Variants in CFDP1 observed in about 807,000 individuals in gnomAD.
The protein encoded by CFDP1 is heterochromatin-stabilizing protein CFDP1.
CFDP1 carries 31 observed loss-of-function variants against 40.1 expected under a neutral mutation model. The ratio of observed to expected loss-of-function variants is 0.77; its 90% confidence interval spans 0.58 to 1.04. The LOEUF (loss-of-function observed/expected upper bound fraction) is 1.04, where lower values mean the gene tolerates loss of function less well. Among genes scored for constraint, CFDP1 ranks in the 50% least tolerant of loss-of-function variants. The pLI is 0.00. For missense variants in CFDP1, 423 were observed against 343.4 expected (o/e 1.23, Z -1.83); for synonymous variants, 167 against 120.0 (o/e 1.39, Z -2.56).
chr16:75,348,765 C>A (rs574713084), intron 5 of CFDP1, among the ~76,000 whole-genome samples: 1 of 152,248 alleles, frequency 6.6e-6, no homozygotes, highest in African/African-American at 2.4e-5. Flanking sequence ...TCATTAATTT[C>A]TTTGAACAGT....
intron 1 of CFDP1, among the ~76,000 whole-genome samples, chr16:75,424,927 G>A (rs1031193975): frequency 2.0e-5 from 3 of 152,144 alleles, no homozygotes; most frequent in African/African-American, 4.8e-5. Context: ...TGACATCACT[G>A]TCTGTGTGGA....
chr16:75,311,621 C>T lies in CFDP1; in HGVS notation c.651-6439G>A, dbSNP rs77541749. 5.3e-3 allele frequency among the ~76,000 whole-genome samples: 807 copies of T among 152,292 alleles called. 8 individuals are homozygous for T. The highest frequency in any genetic ancestry group is 0.019 in the African/African-American group (783 of 41,554). On this transcript the variant is annotated intron_variant, in intron 5 of 6. Transcript: ENST00000283882. ...CTGATCTTTAATCCAAACTTCAACA[C>T]GTGAAGGCTGGATTAAGTCTATGCC...
At chr16:75,420,649 A>G (rs915931848) in intron 1 of CFDP1, among the ~76,000 whole-genome samples, 46 of 152,242 alleles carry the variant, frequency 3.0e-4, no homozygotes, top group African/African-American at 1.1e-3. Flanking sequence ...AGTATGATCT[A>G]TATATAAGAT....
At chr16:75,401,389 C>T (rs1281253786) in intron 4 of CFDP1, among the ~76,000 whole-genome samples, 4 of 143,494 alleles carry the variant, frequency 2.8e-5, no homozygotes, top group African/African-American at 7.8e-5. Flanking sequence ...GATTGCACCA[C>T]TGCACTCCAC....
intron 5 of CFDP1, among the ~76,000 whole-genome samples, chr16:75,373,314 C>T (rs2078767407): frequency 6.6e-6 from 1 of 152,182 alleles, no homozygotes; most frequent in African/African-American, 2.4e-5. Context: ...CTTGCTAATG[C>T]TCATAGATTC....
At chr16:75,394,830 T>A in intron 5 of CFDP1, 2 of 155,632 alleles carry the variant, frequency 1.3e-5, no homozygotes, top group South Asian at 3.4e-4. Flanking sequence ...GCCCAGCTAA[T>A]TTTTTTTTTT....
At position 75,303,400 on chromosome 16, in the gene CFDP1, A is replaced by ATGAATGTATGTATGTATGTATGT. The variant is rs1555552218; in HGVS notation, c.809+1623_809+1624insACATACATACATACATACATTCA. Among the ~76,000 whole-genome samples, 55 of 146,244 alleles carry ATGAATGTATGTATGTATGTATGT rather than the reference A, an allele frequency of 3.8e-4. No individual in the cohort carries two copies. In the East Asian group the frequency reaches 5.6e-3, roughly 15 times the overall value. On this transcript the variant is annotated intron_variant, in intron 6 of 6. Transcript: ENST00000283882. ...AAATAAATAAATAAATAAATAAATA[A>ATGAATGTATGTATGTATGTATGT]ATGTATGTATGTATGTATGTATGTA...
At chr16:75,431,353 C>T (rs953672896) in intron 1 of CFDP1, among the ~76,000 whole-genome samples, 1 of 140,164 alleles carries the variant, frequency 7.1e-6, no homozygotes, top group Non-Finnish European at 1.5e-5. Context: ...ACTCAGGAGG[C>T]TGAGGCAAGA....
chr16:75,419,805 T>C (rs1457882546), intron 1 of CFDP1, among the ~76,000 whole-genome samples: 1 of 152,252 alleles, frequency 6.6e-6, no homozygotes, highest in Non-Finnish European at 1.5e-5. Context: ...AGGGGAGGCA[T>C]GAATAATCCA....
chr16:75,377,539 A>G (rs913806682), intron 5 of CFDP1, among the ~76,000 whole-genome samples: 3 of 152,230 alleles, frequency 2.0e-5, no homozygotes, highest in Non-Finnish European at 4.4e-5. Flanking sequence ...TGAAGTAACA[A>G]AAGAAATAAA....
chr16:75,333,122 CTT>C (rs1281826055), intron 5 of CFDP1, among the ~76,000 whole-genome samples: 15 of 87,154 alleles, frequency 1.7e-4, no homozygotes, highest in South Asian at 7.5e-4. Context: ...TACTCATGTT[CTT>C]TTTTTTTTTT....
At chr16:75,335,369 GA>G (rs544287969) in intron 5 of CFDP1, among the ~76,000 whole-genome samples, 3 of 152,014 alleles carry the variant, frequency 2.0e-5, no homozygotes, top group Non-Finnish European at 4.4e-5. Context: ...AGGACACACT[GA>G]AAAAAATCTC....
chr16:75,391,508 T>A (rs557734322), intron 5 of CFDP1: 1 of 152,324 alleles, frequency 6.6e-6, no homozygotes, highest in East Asian at 1.9e-4. Context: ...AAATGACACA[T>A]CTATACACAA....
intron 5 of CFDP1, among the ~76,000 whole-genome samples, chr16:75,384,237 A>T (rs2078874199): frequency 6.6e-6 from 1 of 151,992 alleles, no homozygotes; most frequent in South Asian, 2.1e-4. Flanking sequence ...CATGCCTGTA[A>T]TCCCAGCTAC....
At chr16:75,367,164 C>CA (rs35018865) in intron 5 of CFDP1, among the ~76,000 whole-genome samples, 2,142 of 86,762 alleles carry the variant, frequency 0.025, 30 homozygotes, top group East Asian at 0.054. Flanking sequence ...GACTCCATCT[C>CA]AAAAAAAAAA....
At chr16:75,367,920 C>T (rs1257408309) in intron 5 of CFDP1, among the ~76,000 whole-genome samples, 2 of 151,666 alleles carry the variant, frequency 1.3e-5, no homozygotes, top group Admixed American at 1.3e-4. Flanking sequence ...GCCCAGCCAA[C>T]ATGGTGAAAC....
In CFDP1 at chr16:75,433,461, G is replaced by C. The variant is rs74024782; in HGVS notation, c.-109C>G. ...CCCCGGCGGCGGCGACGGCAGCTAGGGCGGCCCCCGACAGCGCTTTGCACA... is the reference window on the plus strand; with the variant it reads ...CCCCGGCGGCGGCGACGGCAGCTAGCGCGGCCCCCGACAGCGCTTTGCACA... On this transcript the variant is annotated 5_prime_UTR_variant, in exon 1 of 7. Coordinates refer to ENST00000283882, the MANE Select transcript of CFDP1 (RefSeq NM_006324.3). 2.0e-5 allele frequency: 21 copies of C among 1,055,702 alleles called. No individual in the cohort carries two copies. The highest frequency in any genetic ancestry group is 5.2e-5 in the East Asian group (2 of 38,512). The allele number at this position is 1,055,702 out of a possible 1,614,324, so 65.4% of individuals were successfully genotyped here. A position where few individuals can be genotyped will look rare whatever the true frequency, so the allele number is the denominator to read the frequency against.
intron 1 of CFDP1, among the ~76,000 whole-genome samples, chr16:75,421,384 A>G (rs2079278287): frequency 6.6e-6 from 1 of 152,198 alleles, no homozygotes; most frequent in South Asian, 2.1e-4. Flanking sequence ...TCAGTAAGAG[A>G]TAAGAAAATT....
intron 5 of CFDP1, among the ~76,000 whole-genome samples, chr16:75,322,257 C>T (rs1384332092): frequency 1.3e-5 from 2 of 152,228 alleles, no homozygotes; most frequent in Admixed American, 6.5e-5. Context: ...CCAGATATCA[C>T]CAACACTATT....
Sources: allele counts gnomAD v4.1 joint callset (sites outside exome capture counted in the v4.1 genomes callset), GRCh38; gene constraint gnomAD v4.1.1; transcripts MANE v1.5; gene names NCBI Gene and HGNC (gene_info 2026-07-23, HGNC 2026-07-21).